PLA2R1: variants seen among roughly 807,000 people sequenced by gnomAD.
PLA2R1 encodes the protein secretory phospholipase A2 receptor.
Under a neutral mutation model 195.9 loss-of-function variants are expected in PLA2R1, and 158 were observed. That is an observed-to-expected ratio of 0.81 (90% confidence interval 0.71 to 0.92). PLA2R1 has a LOEUF of 0.92. PLA2R1 is among the 40% of genes least tolerant of loss of function. PLA2R1 has a pLI of 0.00. For missense variants in PLA2R1, 1,626 were observed against 1,764.6 expected (o/e 0.92, Z 1.41); for synonymous variants, 586 against 598.2 (o/e 0.98, Z 0.30).
At chr2:159,925,025 T>C in the PLA2R1 span, among the ~76,000 whole-genome samples, 2 of 152,206 alleles carry the variant, frequency 1.3e-5, no homozygotes, top group South Asian at 4.1e-4. Context: ...TCCTCAACAC[T>C]TTGATATGTG....
chr2:160,033,003 G>A lies in PLA2R1; in HGVS notation c.797C>T (p.Thr266Met), dbSNP rs190273929. The change falls in exon 4 of 30, where the codon ACG becomes ATG. Residue 266 changes from threonine to methionine, a missense_variant. Thr to Met is a moderately conservative substitution (Grantham distance 81). Coordinates refer to ENST00000283243, the MANE Select transcript of PLA2R1 (RefSeq NM_007366.5). Reference protein sequence around the residue: ...AHSSCQMQGGTLLSITDETEE... With the variant: ...AHSSCQMQGGMLLSITDETEE... ...AGTTTCATCTGTAATACTTAACAGC[G>A]TACCTCCTTGCATCTGGCATGAAGA... The A allele has an allele frequency of 1.7e-4, 278 of 1,613,104 alleles. 2 individuals carry two copies. The South Asian group carries it at 2.6e-3, about 15-fold the overall frequency.
chr2:160,023,774 A>G (rs1298547400), intron 6 of PLA2R1, among the ~76,000 whole-genome samples: 1 of 152,200 alleles, frequency 6.6e-6, no homozygotes. Context: ...CCACAGGAAC[A>G]GCCAAAGCAA....
intron 1 of PLA2R1, 89 bp downstream of exon 1, chr2:160,062,206 C>T: frequency 9.3e-7 from 1 of 1,070,912 alleles, no homozygotes; most frequent in Non-Finnish European, 1.3e-6. Flanking sequence ...CCAGCTTGGC[C>T]CCTAGCTTCG....
chr2:159,946,029 T>C (rs1263071216), intron 27 of PLA2R1: 1 of 984,236 alleles, frequency 1.0e-6, no homozygotes, highest in African/African-American at 1.7e-5. Context: ...TCTAAAAAGA[T>C]TTTACAGTGA....
At chr2:160,060,282 C>T (rs1042297586) in intron 1 of PLA2R1, among the ~76,000 whole-genome samples, 2 of 152,176 alleles carry the variant, frequency 1.3e-5, no homozygotes, top group African/African-American at 2.4e-5. Flanking sequence ...TGAGGCACCC[C>T]AAAGCATGGC....
rs1026130412 is a variant in PLA2R1 at position 159,938,479 on chromosome 2, G to A, written c.*3299C>T. 2 of 152,262 alleles carry A rather than the reference G, an allele frequency of 1.3e-5. No homozygotes were observed. Among genetic ancestry groups the A allele is most frequent in the African/African-American group, 4.8e-5 (2 of 41,466 alleles). The allele number at this position is 152,262 out of a possible 1,614,324, so 9.4% of individuals were successfully genotyped here. A position where few individuals can be genotyped will look rare whatever the true frequency, so the allele number is the denominator to read the frequency against. ...AATGGGATCTCACCACTGCAGGGGT[G>A]AAGTGACTGCCTTGTAGCCAAGAAC... On this transcript the variant is annotated 3_prime_UTR_variant, in exon 30 of 30. Coordinates refer to ENST00000283243, the MANE Select transcript of PLA2R1 (RefSeq NM_007366.5).
chr2:160,039,979 C>T (rs1244700754), intron 3 of PLA2R1, among the ~76,000 whole-genome samples: 1 of 151,466 alleles, frequency 6.6e-6, no homozygotes, highest in Non-Finnish European at 1.5e-5. Context: ...AGTATTAGAG[C>T]CATGTGAAGT....
rs138861320 is a variant in PLA2R1 at position 159,941,482 on chromosome 2, G to A, written c.*296C>T. ...TACATTAATGCAAAAACTATTATTC[G>A]CATTGATTTCAGAGTTTTCAATAGG... On this transcript the variant is annotated 3_prime_UTR_variant, in exon 30 of 30. Transcript: ENST00000283243. 8.7e-5 allele frequency: 18 copies of A among 206,570 alleles called. No individual in the cohort carries two copies. The highest frequency in any genetic ancestry group is 1.6e-4 in the African/African-American group (7 of 43,032). 12.8% of individuals were successfully genotyped at this position (206,570 alleles called of 1,614,324 possible).
intron 20 of PLA2R1, among the ~76,000 whole-genome samples, chr2:159,956,973 TA>T (rs200097705): frequency 0.18 from 25,632 of 142,660 alleles, 2,555 homozygotes; most frequent in South Asian, 0.43. Flanking sequence ...ACATTTAATC[TA>T]AAAAAAAAAA....
chr2:159,935,534 T>A lies in PLA2R1; in HGVS notation c.*6244A>T, dbSNP rs893494369. ...GTTATAATCCAATATTATAATTTTTTATTGTTTGCTCAAATTGTTCCAGCA... is the reference window on the plus strand; with the variant it reads ...GTTATAATCCAATATTATAATTTTTAATTGTTTGCTCAAATTGTTCCAGCA... On this transcript the variant is annotated 3_prime_UTR_variant, in exon 30 of 30. Transcript: ENST00000283243. 1.7e-4 allele frequency: 26 copies of A among 152,230 alleles called. No homozygotes were observed. Among genetic ancestry groups the A allele is most frequent in the African/African-American group, 5.1e-4 (21 of 41,464 alleles). 9.4% of individuals were successfully genotyped at this position (152,230 alleles called of 1,614,324 possible).
intron 4 of PLA2R1, among the ~76,000 whole-genome samples, 166 bp from the exon 5 acceptor site, chr2:160,029,129 T>C (rs1345901430): frequency 1.3e-5 from 2 of 152,204 alleles, no homozygotes; most frequent in African/African-American, 4.8e-5. Context: ...TCCCACCATC[T>C]TGAGAAACAG....
rs1424593791 is a variant in PLA2R1 at position 159,977,369 on chromosome 2, T to G, written c.2316A>C (p.Arg772Ser). Reference sequence around the variant, plus strand: ...TGTTTGCCTTATAAACAGCACAGTTTCTTGCATCTTCTCCAAAATAAGTGT... The same window carrying G: ...TGTTTGCCTTATAAACAGCACAGTTGCTTGCATCTTCTCCAAAATAAGTGT... ...LDNTYFGEDA[R>S]NCAVYKANKT... Residue 772 changes from arginine to serine, a missense_variant, in exon 15 of 30, where the codon AGA becomes AGC. Arg to Ser is a moderately radical substitution (Grantham distance 110). Transcript: ENST00000283243. 1 of 1,612,744 alleles carries G rather than the reference T, an allele frequency of 6.2e-7. No individual in the cohort carries two copies. Among genetic ancestry groups the G allele is most frequent in the African/African-American group, 1.3e-5 (1 of 74,910 alleles).
chr2:159,970,814 A>G (rs1212299262), intron 17 of PLA2R1, among the ~76,000 whole-genome samples: 1 of 152,156 alleles, frequency 6.6e-6, no homozygotes, highest in Non-Finnish European at 1.5e-5. Context: ...GACATGGATG[A>G]AGCTGGAAAC....
intron 11 of PLA2R1, among the ~76,000 whole-genome samples, chr2:159,993,127 C>T (rs962770582): frequency 6.6e-6 from 1 of 152,034 alleles, no homozygotes; most frequent in African/African-American, 2.4e-5. Flanking sequence ...TCTAGGGGTA[C>T]AAAGTACATT....
the PLA2R1 span, among the ~76,000 whole-genome samples, chr2:159,924,777 A>T: frequency 6.6e-6 from 1 of 151,942 alleles, no homozygotes; most frequent in Non-Finnish European, 1.5e-5. Flanking sequence ...AAATAAAAAC[A>T]CGAGAAGTGG....
Position 159,983,910 on chromosome 2 carries a change from T to C in PLA2R1, c.2183+18A>G, listed in dbSNP as rs373275426. 8 of 1,396,936 alleles carry C rather than the reference T, an allele frequency of 5.7e-6. No individual in the cohort carries two copies. The African/African-American group carries it at 8.5e-5, about 15-fold the overall frequency. The allele number at this position is 1,396,936 out of a possible 1,614,324, so 86.5% of individuals were successfully genotyped here. A position where few individuals can be genotyped will look rare whatever the true frequency, so the allele number is the denominator to read the frequency against. ...TAGAATATTTGACTGTAATTTTTCATAATTAACAAGTATTTACCAATTAAA... is the reference window on the plus strand; with the variant it reads ...TAGAATATTTGACTGTAATTTTTCACAATTAACAAGTATTTACCAATTAAA... On this transcript the variant is annotated intron_variant, in intron 13 of 29. Coordinates refer to ENST00000283243, the MANE Select transcript of PLA2R1 (RefSeq NM_007366.5).
At chr2:159,925,274 T>C in the PLA2R1 span, among the ~76,000 whole-genome samples, 5 of 152,156 alleles carry the variant, frequency 3.3e-5, no homozygotes, top group African/African-American at 1.2e-4. Context: ...GGCTGCACAG[T>C]GTCTGCATTA....
chr2:159,963,515 A>G (rs1358386978), intron 20 of PLA2R1, among the ~76,000 whole-genome samples: 1 of 152,230 alleles, frequency 6.6e-6, no homozygotes, highest in Non-Finnish European at 1.5e-5. Context: ...TATTTAGAAT[A>G]TACAAGGAAT....
intron 10 of PLA2R1, among the ~76,000 whole-genome samples, chr2:160,013,018 G>T (rs1418517211): frequency 6.6e-6 from 1 of 152,044 alleles, no homozygotes; most frequent in African/African-American, 2.4e-5. Context: ...AGAAAAGCTG[G>T]ATAATTAATA....
Sources: gnomAD v4.1 joint callset for allele counts (sites outside exome capture counted in the v4.1 genomes callset) on GRCh38, gnomAD v4.1.1 for gene constraint, MANE v1.5 for transcripts, NCBI Gene and HGNC (gene_info 2026-07-23, HGNC 2026-07-21) for gene names.